The following CUL4A variants were observed in gnomAD, a reference collection of about 807,000 sequenced individuals.
CUL4A encodes the protein cullin-4A.
In CUL4A, 16 loss-of-function variants were observed where a neutral mutation model predicts 95.5. That is an observed-to-expected ratio of 0.17 (90% CI 0.11 to 0.25). CUL4A has a LOEUF of 0.25. Ranked by LOEUF, CUL4A falls within the 10% of genes least tolerant of loss-of-function variation. The pLI is 1.00. For synonymous variants in CUL4A, 380 were observed against 353.1 expected (o/e 1.08, Z -0.85); for missense variants, 610 against 937.0 (o/e 0.65, Z 4.56).
At chr13:113,231,712 G>C (rs1030535088) in intron 5 of CUL4A, among the ~76,000 whole-genome samples, 1 of 152,178 alleles carries the variant, frequency 6.6e-6, no homozygotes, top group African/African-American at 2.4e-5. Flanking sequence ...CTAGCAAGTA[G>C]TAGGGCCAGG....
Position 113,210,012 on chromosome 13 carries a change from G to A in CUL4A, c.188G>A (p.Trp63Ter). The stretch of plus-strand genomic sequence containing the variant: ...CCCGACAACTACACGCAGGACACGT[G>A]GCGGAAGCTGCACGAGGCGGTGCGG... The part of the protein sequence containing the change: ...RLPDNYTQDT[W>*]RKLHEAVRAV... Residue 63 changes from tryptophan to a stop codon, truncating the protein, a stop_gained, in exon 2 of 20, where the codon TGG becomes TAG. Transcript: ENST00000375440. LOFTEE classifies it high-confidence loss of function. 6.6e-7 allele frequency: 1 copy of A among 1,524,488 alleles called. No individual in the cohort carries two copies. Among genetic ancestry groups the A allele is most frequent in the East Asian group, 2.7e-5 (1 of 36,956 alleles). The allele number at this position is 1,524,488 out of a possible 1,614,324, so 94.4% of individuals were successfully genotyped here. A position where few individuals can be genotyped will look rare whatever the true frequency, so the allele number is the denominator to read the frequency against.
chr13:113,226,185 T>C (rs1472848748), intron 3 of CUL4A, among the ~76,000 whole-genome samples: 1 of 152,248 alleles, frequency 6.6e-6, no homozygotes, highest in African/African-American at 2.4e-5. Context: ...GTCTGATTTG[T>C]GCATCCTACT....
upstream of CUL4A, chr13:113,208,343 C>G: frequency 1.4e-6 from 2 of 1,431,450 alleles, no homozygotes; most frequent in African/African-American, 1.4e-5. Flanking sequence ...ACCGCCGCGT[C>G]TACTTACACC....
chr13:113,231,276 A>T (rs1044736233), intron 5 of CUL4A, among the ~76,000 whole-genome samples: 1 of 152,158 alleles, frequency 6.6e-6, no homozygotes, highest in Non-Finnish European at 1.5e-5. Context: ...CATCTCTGGG[A>T]TGGGGAGGAG....
chr13:113,216,126 G>A (rs1348357196), intron 2 of CUL4A, among the ~76,000 whole-genome samples: 1 of 151,630 alleles, frequency 6.6e-6, no homozygotes, highest in Non-Finnish European at 1.5e-5. Flanking sequence ...TGTGACTATG[G>A]AGGTCTCATC....
At chr13:113,209,003 C>G, upstream of CUL4A, 2 of 842,416 alleles carry the variant, frequency 2.4e-6, no homozygotes, top group Non-Finnish European at 2.9e-6. Flanking sequence ...CCCTCCGCGC[C>G]TGGCTGGGCC....
chr13:113,229,554 C>T (rs1321023001), intron 5 of CUL4A, 35 bp downstream of exon 5: 10 of 1,548,598 alleles, frequency 6.5e-6, no homozygotes, highest in Non-Finnish European at 8.9e-6. Flanking sequence ...TGCGTCTTCC[C>T]TGCAGCTGAT....
At position 113,254,975 on chromosome 13, in the gene CUL4A, G is replaced by A. The variant is rs769046375; in HGVS notation, c.1881G>A (p.Thr627=). The change falls in exon 18 of 20, where the codon ACG becomes ACA. Residue 627 remains threonine (T), a synonymous_variant. Coordinates refer to ENST00000375440, the MANE Select transcript of CUL4A (RefSeq NM_001008895.4). ...CAGAGGATAGTGAATTGCGCAGAACGCTGCAGTCCCTGGCCTGTGGCAAAG... is the reference window on the plus strand; with the variant it reads ...CAGAGGATAGTGAATTGCGCAGAACACTGCAGTCCCTGGCCTGTGGCAAAG... The part of the protein sequence containing the change: ...TGIEDSELRR[T]LQSLACGKAR... 21 of 1,613,054 alleles carry A rather than the reference G, an allele frequency of 1.3e-5. No individual in the cohort carries two copies. The highest frequency in any genetic ancestry group is 1.7e-5 in the Admixed American group (1 of 59,794).
At chr13:113,220,436 C>T (rs1180021741) in intron 3 of CUL4A, among the ~76,000 whole-genome samples, 1 of 152,238 alleles carries the variant, frequency 6.6e-6, no homozygotes, top group Non-Finnish European at 1.5e-5. Flanking sequence ...TGCACCTTAT[C>T]TCAGGAGGCG....
At chr13:113,209,552 C>T (rs1311631631), upstream of CUL4A, 35 of 864,824 alleles carry the variant, frequency 4.0e-5, 1 homozygote, top group East Asian at 4.4e-3. Context: ...GCGGAGGCCG[C>T]GCGGACCGGG....
intron 3 of CUL4A, among the ~76,000 whole-genome samples, chr13:113,222,559 T>C (rs1419857369): frequency 6.6e-6 from 1 of 150,410 alleles, no homozygotes; most frequent in Non-Finnish European, 1.5e-5. Context: ...GGCACTCAGG[T>C]AGAGATGCCT....
chr13:113,229,623 T>C (rs1170502539), intron 5 of CUL4A, 104 bp downstream of exon 5: 6 of 948,974 alleles, frequency 6.3e-6, no homozygotes, highest in Non-Finnish European at 8.0e-6. Flanking sequence ...TGTGATTACT[T>C]GTGCCTTCCT....
chr13:113,228,976 AAATT>A (rs571002034), intron 4 of CUL4A, among the ~76,000 whole-genome samples: 413 of 152,016 alleles, frequency 2.7e-3, no homozygotes, highest in Non-Finnish European at 4.4e-3. Flanking sequence ...AAAAAAAAAA[AAATT>A]AACCGGGTGG....
intron 2 of CUL4A, among the ~76,000 whole-genome samples, chr13:113,218,360 A>T (rs891292136): frequency 2.0e-5 from 3 of 152,230 alleles, no homozygotes; most frequent in Non-Finnish European, 4.4e-5. Context: ...GAAACAATAC[A>T]GTCTGGCCTG....
chr13:113,248,738 A>G (rs962144124), intron 15 of CUL4A, among the ~76,000 whole-genome samples: 1 of 152,182 alleles, frequency 6.6e-6, no homozygotes, highest in Non-Finnish European at 1.5e-5. Context: ...TACTGTAAAT[A>G]ATCTCTAGAT....
chr13:113,234,614 G>A (rs1344981975), intron 7 of CUL4A, among the ~76,000 whole-genome samples: 2 of 152,204 alleles, frequency 1.3e-5, no homozygotes, highest in African/African-American at 2.4e-5. Flanking sequence ...AAACATGGGC[G>A]TACTTTGAGG....
intron 13 of CUL4A, 27 bp downstream of exon 13, chr13:113,245,086 C>T (rs754704109): frequency 1.2e-6 from 2 of 1,606,642 alleles, no homozygotes; most frequent in Non-Finnish European, 8.5e-7. Flanking sequence ...TGGGCTCCTC[C>T]CCTGTAACTG....
chr13:113,228,510 C>T lies in CUL4A; in HGVS notation c.438+465C>T, dbSNP rs527611919. Reference sequence around the variant, plus strand: ...CTTTCCTAAGTAGGTTGAAATCTTCCGTTTTCTAAATGATATCAGTAGGAG... The same window carrying T: ...CTTTCCTAAGTAGGTTGAAATCTTCTGTTTTCTAAATGATATCAGTAGGAG... On this transcript the variant is annotated intron_variant, in intron 4 of 19. Transcript: ENST00000375440. Among the ~76,000 whole-genome samples the T allele has an allele frequency of 9.9e-5, 15 of 152,158 alleles. No individual in the cohort carries two copies. The South Asian group carries it at 1.0e-3, about 11-fold the overall frequency.
chr13:113,216,792 A>G (rs2040709943), intron 2 of CUL4A, among the ~76,000 whole-genome samples: 1 of 152,216 alleles, frequency 6.6e-6, no homozygotes, highest in Non-Finnish European at 1.5e-5. Context: ...TCCTGCCAGC[A>G]AGGAGTTGGC....
Sources: gnomAD v4.1 joint callset for allele counts (sites outside exome capture counted in the v4.1 genomes callset) on GRCh38, gnomAD v4.1.1 for gene constraint, MANE v1.5 for transcripts, NCBI Gene and HGNC (gene_info 2026-07-23, HGNC 2026-07-21) for gene names.